TRPM7: variants seen among roughly 807,000 people sequenced by gnomAD.
The protein encoded by TRPM7 is LTRPC ion channel family member 7.
A neutral mutation model predicts 229.7 loss-of-function variants in TRPM7; 134 were observed. The observed-to-expected ratio is 0.58, with a 90% CI of 0.51 to 0.67. The LOEUF is 0.67. Among genes scored for constraint, TRPM7 ranks in the 30% least tolerant of loss-of-function variants. The probability of loss-of-function intolerance (pLI) is 0.00; values close to 1 mark genes in which losing one functional copy is unlikely to be tolerated. For synonymous variants in TRPM7, 699 were observed against 715.2 expected (o/e 0.98, Z 0.36); for missense variants, 1,901 against 2,210.0 (o/e 0.86, Z 2.80).
At chr15:50,630,343 C>G (rs1354298925) in intron 10 of TRPM7, among the ~76,000 whole-genome samples, 1 of 152,064 alleles carries the variant, frequency 6.6e-6, no homozygotes, top group Admixed American at 6.6e-5. Context: ...CAAGAAAATT[C>G]TTGTAAATAA....
chr15:50,621,767 A>G (rs2060413989), intron 12 of TRPM7, among the ~76,000 whole-genome samples: 1 of 152,174 alleles, frequency 6.6e-6, no homozygotes, highest in Admixed American at 6.5e-5. Flanking sequence ...GCGGTGGCTC[A>G]TGCTTGTAAT....
intron 13 of TRPM7, 53 bp downstream of exon 13, chr15:50,619,692 T>C: frequency 7.4e-7 from 1 of 1,357,168 alleles, no homozygotes; most frequent in Non-Finnish European, 1.0e-6. Flanking sequence ...AAACATGAAA[T>C]ATAAATGATT....
At chr15:50,682,301 T>C (rs1231175268) in intron 1 of TRPM7, among the ~76,000 whole-genome samples, 1 of 151,200 alleles carries the variant, frequency 6.6e-6, no homozygotes, top group African/African-American at 2.4e-5. Flanking sequence ...CTAAAACCCC[T>C]ACGTGGACAG....
rs554945702 is a variant in TRPM7, at chr15:50,615,195, C to T, written c.1495-932G>A. Among the ~76,000 whole-genome samples the T allele has an allele frequency of 8.0e-3, 1,115 of 138,768 alleles. 12 individuals carry two copies. Among genetic ancestry groups the T allele is most frequent in the African/African-American group, 0.029 (1,074 of 37,118 alleles). The allele number at this position is 138,768 out of a possible 152,430, so 91.0% of individuals were successfully genotyped here. ...AAAAAAAAAAAAAAAAAAAAAGAGA[C>T]AGTGGAAATGCTAATCAGCCAAATA... is the stretch of plus-strand genomic sequence containing the variant. On this transcript the variant is annotated intron_variant, in intron 13 of 38. Transcript: ENST00000646667.
chr15:50,674,804 G>A (rs1431311319), intron 1 of TRPM7, among the ~76,000 whole-genome samples: 2 of 152,112 alleles, frequency 1.3e-5, no homozygotes, highest in African/African-American at 2.4e-5. Context: ...AGTATTCTTG[G>A]ATAATGGGTT....
intron 16 of TRPM7, 72 bp from the exon 17 acceptor site, chr15:50,611,393 AT>A: frequency 9.1e-7 from 1 of 1,104,146 alleles, no homozygotes. Context: ...TCTTATATAC[AT>A]TAATACTTCC....
Position 50,578,850 on chromosome 15 carries a change from C to CTA in TRPM7, c.4593-188_4593-187dup, listed in dbSNP as rs900080163. Among the ~76,000 whole-genome samples, 126 of 149,436 alleles carry CTA rather than the reference C, an allele frequency of 8.4e-4. No individual in the cohort carries two copies. The South Asian group carries it at 0.012, about 14-fold the overall frequency. ...CCAATCCATATATAGATATATATAT[C>CTA]TATATATATATATCCATATGTATCT... is the stretch of plus-strand genomic sequence containing the variant. On this transcript the variant is annotated intron_variant, in intron 30 of 38. Coordinates refer to ENST00000646667, the MANE Select transcript of TRPM7 (RefSeq NM_017672.6).
In TRPM7 at chr15:50,570,787, G is replaced by A. The variant is rs147456270; in HGVS notation, c.5309-632C>T. ...GGAGAATCGCTTGAACCTGGGAGGC[G>A]GAGGTTGCAGTGAGCCAAAATCGTA... On this transcript the variant is annotated intron_variant, in intron 36 of 38. Transcript: ENST00000646667. Among the ~76,000 whole-genome samples the A allele has an allele frequency of 2.7e-3, 405 of 151,566 alleles. 2 individuals carry two copies. Among genetic ancestry groups the A allele is most frequent in the African/African-American group, 8.6e-3 (354 of 41,254 alleles).
rs181632873 is a variant in TRPM7, at chr15:50,673,555, A to G, written c.4-10509T>C. On this transcript the variant is annotated intron_variant, in intron 1 of 38. Coordinates refer to ENST00000646667, the MANE Select transcript of TRPM7 (RefSeq NM_017672.6). ...CCATTCCTGAGTTACTTCACTTAGA[A>G]TTAAGAGTCTCCAATCTCATCCAGG... Among the ~76,000 whole-genome samples, 142 of 152,214 alleles carry G rather than the reference A, an allele frequency of 9.3e-4. 1 individual carries two copies. The highest frequency in any genetic ancestry group is 3.3e-3 in the African/African-American group (139 of 41,530).
chr15:50,667,607 T>G (rs1373379230), intron 1 of TRPM7, among the ~76,000 whole-genome samples: 1 of 152,182 alleles, frequency 6.6e-6, no homozygotes, highest in Admixed American at 6.5e-5. Context: ...CTAGGGAAGC[T>G]GAGGCAGGAG....
chr15:50,575,987 T>G, intron 31 of TRPM7, 68 bp from the exon 32 acceptor site: 2 of 1,464,176 alleles, frequency 1.4e-6, no homozygotes, highest in Non-Finnish European at 1.9e-6. Flanking sequence ...TTAACCCGGA[T>G]AATCTCATAA....
chr15:50,655,126 A>G (rs1031335973), intron 3 of TRPM7, among the ~76,000 whole-genome samples: 10 of 125,950 alleles, frequency 7.9e-5, no homozygotes, highest in African/African-American at 1.1e-4. Context: ...TAAAGAAAAA[A>G]AAGTTAATTA....
chr15:50,654,480 G>C (rs1384851586), intron 3 of TRPM7, among the ~76,000 whole-genome samples: 1 of 150,894 alleles, frequency 6.6e-6, no homozygotes, highest in Non-Finnish European at 1.5e-5. Flanking sequence ...ATATAAAAAA[G>C]ATGAAGGAAA....
chr15:50,594,855 G>A (rs760276463), intron 23 of TRPM7, among the ~76,000 whole-genome samples: 4 of 152,192 alleles, frequency 2.6e-5, no homozygotes, highest in African/African-American at 9.6e-5. Flanking sequence ...AAATGGGTAA[G>A]ACATAAGAAA....
intron 1 of TRPM7, among the ~76,000 whole-genome samples, chr15:50,673,972 G>A (rs2062043745): frequency 6.6e-6 from 1 of 151,998 alleles, no homozygotes; most frequent in African/African-American, 2.4e-5. Context: ...GAATAAGGTG[G>A]TATTATTGCA....
At chr15:50,664,024 G>A (rs1291957262) in intron 1 of TRPM7, among the ~76,000 whole-genome samples, 1 of 152,008 alleles carries the variant, frequency 6.6e-6, no homozygotes, top group Non-Finnish European at 1.5e-5. Flanking sequence ...ATTTGGCCGC[G>A]TGCGGTGGCT....
chr15:50,591,811 T>C, intron 26 of TRPM7, 100 bp downstream of exon 26: 3 of 878,332 alleles, frequency 3.4e-6, no homozygotes, highest in Non-Finnish European at 4.9e-6. Context: ...ATAATTATAC[T>C]CTATGAAAAG....
intron 12 of TRPM7, among the ~76,000 whole-genome samples, chr15:50,620,511 T>A (rs931307479): frequency 2.6e-5 from 4 of 152,202 alleles, no homozygotes; most frequent in Non-Finnish European, 4.4e-5. Flanking sequence ...CCATTATTTC[T>A]TTGGAGAAAA....
chr15:50,575,237 T>C, intron 33 of TRPM7, 102 bp from the exon 34 acceptor site: 8 of 967,158 alleles, frequency 8.3e-6, no homozygotes, highest in Non-Finnish European at 1.2e-5. Flanking sequence ...GAACAGAAGA[T>C]AAAATGGACC....
Sources: allele counts gnomAD v4.1 joint callset (sites outside exome capture counted in the v4.1 genomes callset), GRCh38; gene constraint gnomAD v4.1.1; transcripts MANE v1.5; gene names NCBI Gene and HGNC (gene_info 2026-07-23, HGNC 2026-07-21).